Variants in PDE8B observed in about 807,000 individuals in gnomAD.
The protein encoded by PDE8B is phosphodiesterase 8B, also known as high affinity cAMP-specific and IBMX-insensitive 3',5'-cyclic phosphodiesterase 8B.
In PDE8B, 26 loss-of-function variants were observed where a neutral mutation model predicts 101.3. The observed-to-expected ratio is 0.26, with a 90% CI of 0.19 to 0.36. The LOEUF (loss-of-function observed/expected upper bound fraction) is 0.36. Ranked by LOEUF, PDE8B falls within the 10% of genes least tolerant of loss-of-function variation. The pLI is 1.00. For missense variants in PDE8B, 810 were observed against 1,163.1 expected (o/e 0.70, Z 4.42); for synonymous variants, 424 against 429.3 (o/e 0.99, Z 0.15).
At chr5:77,190,510 C>T in the PDE8B span, among the ~76,000 whole-genome samples, 10 of 152,190 alleles carry the variant, frequency 6.6e-5, no homozygotes, top group Non-Finnish European at 1.0e-4. Flanking sequence ...AGGACGTCTA[C>T]AGTCTATAGT....
the PDE8B span, among the ~76,000 whole-genome samples, chr5:77,093,664 A>G: frequency 6.6e-6 from 1 of 152,232 alleles, no homozygotes; most frequent in Admixed American, 6.5e-5. Context: ...CTCAAACAAG[A>G]TGAATCCCTG....
At chr5:77,425,742 C>A (rs1448973669) in intron 20 of PDE8B, 25 bp from the exon 21 acceptor site, 4 of 1,612,100 alleles carry the variant, frequency 2.5e-6, no homozygotes, top group African/African-American at 1.3e-5. Flanking sequence ...GTCCTCCAGC[C>A]CTATGTGGTG....
chr5:77,405,398 G>A (rs1793212082), intron 12 of PDE8B, among the ~76,000 whole-genome samples: 1 of 152,142 alleles, frequency 6.6e-6, no homozygotes, highest in Admixed American at 6.5e-5. Flanking sequence ...TACAGAAATG[G>A]AAACGTCTCC....
chr5:77,149,221 T>C, the PDE8B span, among the ~76,000 whole-genome samples: 1 of 152,242 alleles, frequency 6.6e-6, no homozygotes, highest in Non-Finnish European at 1.5e-5. Flanking sequence ...TCTCCATTCA[T>C]CTCTAAGGAT....
chr5:77,243,551 C>T (rs1002170726), intron 1 of PDE8B, among the ~76,000 whole-genome samples: 2 of 152,192 alleles, frequency 1.3e-5, no homozygotes, highest in South Asian at 4.1e-4. Context: ...GATCCTCTTT[C>T]TGTTGGTTTT....
chr5:77,417,117 G>A (rs1008278454), intron 17 of PDE8B, among the ~76,000 whole-genome samples: 11 of 152,122 alleles, frequency 7.2e-5, no homozygotes, highest in Non-Finnish European at 8.8e-5. Context: ...CATCAGCCTC[G>A]CATGGCTACT....
chr5:77,322,410 T>A (rs1775265301), intron 2 of PDE8B, among the ~76,000 whole-genome samples: 1 of 152,216 alleles, frequency 6.6e-6, no homozygotes, highest in Non-Finnish European at 1.5e-5. Context: ...CAATCAGTTT[T>A]GTGAGTTTCC....
rs59393259 is a variant in PDE8B, at chr5:77,386,865, C to CTTT, written c.1168-13356_1168-13354dup. Among the ~76,000 whole-genome samples the CTTT allele has an allele frequency of 1.8e-3, 94 of 51,090 alleles. 18 individuals are homozygous for CTTT. The highest frequency in any genetic ancestry group is 6.3e-3 in the African/African-American group (68 of 10,758). The allele number at this position is 51,090 out of a possible 152,430, so 33.5% of individuals were successfully genotyped here. A position where few individuals can be genotyped will look rare whatever the true frequency, so the allele number is the denominator to read the frequency against. On this transcript the variant is annotated intron_variant, in intron 10 of 21. Coordinates refer to ENST00000264917, the MANE Select transcript of PDE8B (RefSeq NM_003719.5). ...TTTTGCCTGTTAGTTGATGTAGTTTCTTTTTTTTTTTTTTTTTTTTTTTTT... is the reference window on the plus strand; with the variant it reads ...TTTTGCCTGTTAGTTGATGTAGTTTCTTTTTTTTTTTTTTTTTTTTTTTTTTTT...
intron 1 of PDE8B, among the ~76,000 whole-genome samples, chr5:77,304,594 G>C (rs1214733051): frequency 6.6e-6 from 1 of 152,056 alleles, no homozygotes; most frequent in Non-Finnish European, 1.5e-5. Flanking sequence ...ATTTTGATGA[G>C]TAGACATTTG....
chr5:77,135,526 G>A, the PDE8B span, among the ~76,000 whole-genome samples: 1 of 148,842 alleles, frequency 6.7e-6, no homozygotes, highest in Non-Finnish European at 1.5e-5. Context: ...GCCCAGGCTG[G>A]AGTGCAGTGG....
Position 77,211,180 on chromosome 5 carries a change from C to T in PDE8B, c.255C>T (p.Pro85=). 7.8e-6 allele frequency: 12 copies of T among 1,542,154 alleles called. No individual in the cohort carries two copies. Among genetic ancestry groups the T allele is most frequent in the Non-Finnish European group, 1.0e-5 (12 of 1,151,280 alleles). Residue 85 remains proline (P), a synonymous_variant, in exon 1 of 22, where the codon CCC becomes CCT. Coordinates refer to ENST00000264917, the MANE Select transcript of PDE8B (RefSeq NM_003719.5). The surrounding 1 kb of genome is among the most constrained non-coding windows in gnomAD (Gnocchi z 4.1). ...GSGSSAGSAA[P]AATTSRGRRR... ...GTAGCAGCGCGGGTTCCGCAGCCCC[C>T]GCCGCGACCACCAGCAGGGGCCGGA...
At chr5:77,425,929 A>T (rs3816608) in intron 21 of PDE8B, 33 bp downstream of exon 21, 3 of 1,599,000 alleles carry the variant, frequency 1.9e-6, no homozygotes, top group Non-Finnish European at 2.6e-6. Flanking sequence ...ACCCAAAGAA[A>T]ATTGTTATAC....
the PDE8B span, chr5:77,131,279 A>G: frequency 6.6e-6 from 1 of 152,254 alleles, no homozygotes; most frequent in South Asian, 2.1e-4. Context: ...GTGTATCATC[A>G]TAATTTGTCT....
At chr5:77,203,919 A>G in the PDE8B span, among the ~76,000 whole-genome samples, 1 of 152,140 alleles carries the variant, frequency 6.6e-6, no homozygotes, top group East Asian at 1.9e-4. Context: ...AGAAACCTGA[A>G]CTTTAAAAAA....
intron 1 of PDE8B, among the ~76,000 whole-genome samples, chr5:77,286,471 C>G (rs1370248287): frequency 6.6e-6 from 1 of 152,194 alleles, no homozygotes; most frequent in East Asian, 1.9e-4. Context: ...GTGGCCTGCC[C>G]TCATGGCAAA....
chr5:77,273,459 T>C (rs1044167096), intron 1 of PDE8B, among the ~76,000 whole-genome samples: 11 of 152,250 alleles, frequency 7.2e-5, no homozygotes, highest in Admixed American at 1.3e-4. Context: ...GATGCAGTTA[T>C]GAACTAGCAA....
At chr5:77,319,016 G>A (rs1774438342) in intron 2 of PDE8B, among the ~76,000 whole-genome samples, 1 of 152,166 alleles carries the variant, frequency 6.6e-6, no homozygotes, top group African/African-American at 2.4e-5. Flanking sequence ...AGATAAAGTA[G>A]TTTCATTCTA....
the PDE8B span, chr5:77,104,383 C>T: frequency 6.6e-6 from 1 of 152,116 alleles, no homozygotes; most frequent in Non-Finnish European, 1.5e-5. Flanking sequence ...ATCCTCAATG[C>T]AATAATAGTA....
chr5:77,107,113 C>A, the PDE8B span, among the ~76,000 whole-genome samples: 455 of 152,114 alleles, frequency 3.0e-3, 2 homozygotes, highest in African/African-American at 9.8e-3. Flanking sequence ...CAAGTGTTCT[C>A]ATTGTTCAGT....
Sources: gnomAD v4.1 joint callset for allele counts (sites outside exome capture counted in the v4.1 genomes callset) on GRCh38, gnomAD v4.1.1 for gene constraint, Gnocchi (gnomAD v3.1) non-coding constraint, MANE v1.5 for transcripts, NCBI Gene and HGNC (gene_info 2026-07-23, HGNC 2026-07-21) for gene names.